Variants in SYN2 observed in about 807,000 individuals in gnomAD.
The protein encoded by SYN2 is synapsin-2.
In SYN2, 19 loss-of-function variants were observed where a neutral mutation model predicts 50.9. That is an observed-to-expected ratio of 0.37 (90% confidence interval 0.26 to 0.55). The LOEUF is 0.55. SYN2 is among the 20% of genes least tolerant of loss of function. The pLI, the probability that SYN2 is intolerant of heterozygous loss-of-function variation, is 0.81. For missense variants in SYN2, 587 were observed against 576.4 expected, an observed-to-expected ratio of 1.02 and a Z score of -0.19; for synonymous variants, 255 against 224.9, an observed-to-expected ratio of 1.13 and a Z score of -1.20.
intron 1 of SYN2, among the ~76,000 whole-genome samples, chr3:12,050,169 G>A (rs1251583806): frequency 6.6e-6 from 1 of 152,074 alleles, no homozygotes; most frequent in Non-Finnish European, 1.5e-5. Context: ...CCAAAGTGCT[G>A]GGATTACAGG....
chr3:12,052,163 G>A (rs1196164286), intron 1 of SYN2, among the ~76,000 whole-genome samples: 1 of 152,122 alleles, frequency 6.6e-6, no homozygotes, highest in Non-Finnish European at 1.5e-5. Flanking sequence ...TACATGCTAG[G>A]CGTTGTGCTA....
intron 1 of SYN2, among the ~76,000 whole-genome samples, chr3:12,063,248 G>T (rs1489241354): frequency 6.6e-6 from 1 of 152,018 alleles, no homozygotes; most frequent in Admixed American, 6.6e-5. Flanking sequence ...TCACTTAGGG[G>T]ATTGGGTGAT....
chr3:12,120,271 G>A (rs1423571467), intron 1 of SYN2, among the ~76,000 whole-genome samples: 1 of 152,110 alleles, frequency 6.6e-6, no homozygotes, highest in Non-Finnish European at 1.5e-5. Flanking sequence ...CCAGGTCAGC[G>A]CTTTTTTAAC....
At chr3:12,022,624 G>A (rs1694166382) in intron 1 of SYN2, among the ~76,000 whole-genome samples, 2 of 151,704 alleles carry the variant, frequency 1.3e-5, no homozygotes, top group Non-Finnish European at 2.9e-5. Context: ...TTACCAAGAT[G>A]GTCTCGATCT....
At chr3:12,038,257 G>A (rs1462781825) in intron 1 of SYN2, among the ~76,000 whole-genome samples, 1 of 152,060 alleles carries the variant, frequency 6.6e-6, no homozygotes, top group Non-Finnish European at 1.5e-5. Context: ...TTCCATTGAT[G>A]CAATAGATTG....
intron 11 of SYN2, chr3:12,185,167 A>T: frequency 1.0e-6 from 1 of 985,896 alleles, no homozygotes; most frequent in Non-Finnish European, 1.2e-6. Context: ...TTGCACTTCC[A>T]GATGGGTTGC....
Position 12,140,657 on chromosome 3 carries a change from G to A in SYN2, c.384G>A (p.Lys128=), listed in dbSNP as rs1281851571. The A allele has an allele frequency of 5.2e-6, 4 of 762,200 alleles. No individual in the cohort carries two copies. The highest frequency in any genetic ancestry group is 1.8e-5 in the Admixed American group (1 of 56,302). 47.2% of individuals were successfully genotyped at this position (762,200 alleles called of 1,614,324 possible). Residue 128 remains lysine (K), a synonymous_variant, in exon 2 of 13, where the codon AAG becomes AAA. Coordinates refer to ENST00000621198, the MANE Select transcript of SYN2 (RefSeq NM_133625.6). ...VVDEPHADWA[K]CFRGKKVLGD... ...GGTTTATTCTTTTCTCCAGGGCCAA[G>A]TGCTTTCGGGGCAAAAAAGTCCTTG... is the stretch of plus-strand genomic sequence containing the variant.
At chr3:12,136,058 A>T (rs1696887367) in intron 1 of SYN2, among the ~76,000 whole-genome samples, 1 of 152,214 alleles carries the variant, frequency 6.6e-6, no homozygotes, top group Non-Finnish European at 1.5e-5. Context: ...GTGTCTGATT[A>T]TTAGACAACC....
chr3:12,149,182 C>G (rs1443129976), intron 4 of SYN2, among the ~76,000 whole-genome samples: 3 of 152,286 alleles, frequency 2.0e-5, no homozygotes, highest in South Asian at 2.1e-4. Flanking sequence ...CTGTGTAACT[C>G]CCCCACATGC....
intron 1 of SYN2, among the ~76,000 whole-genome samples, chr3:12,127,996 A>G (rs1696708512): frequency 6.6e-6 from 1 of 151,332 alleles, no homozygotes; most frequent in East Asian, 1.9e-4. Flanking sequence ...CCCAGGCTGG[A>G]GTGCAGTGGT....
intron 10 of SYN2, among the ~76,000 whole-genome samples, chr3:12,177,862 T>C (rs1480677170): frequency 6.6e-6 from 1 of 152,096 alleles, no homozygotes; most frequent in Non-Finnish European, 1.5e-5. Flanking sequence ...CCCCATGGGA[T>C]ATTTCTTGGG....
chr3:12,006,759 A>G (rs1332416338), intron 1 of SYN2, among the ~76,000 whole-genome samples: 1 of 152,218 alleles, frequency 6.6e-6, no homozygotes, highest in Non-Finnish European at 1.5e-5. Flanking sequence ...CACAAAGTGG[A>G]TACATGAAAC....
At chr3:12,158,647 A>G in intron 5 of SYN2, 1 of 1,601,152 alleles carries the variant, frequency 6.2e-7, no homozygotes, top group East Asian at 2.2e-5. Flanking sequence ...TGCTGGCCAG[A>G]TACTAATCCC....
intron 5 of SYN2, 97 bp downstream of exon 5, chr3:12,151,423 C>A: frequency 1.1e-6 from 1 of 932,496 alleles, no homozygotes; most frequent in Non-Finnish European, 1.7e-6. Flanking sequence ...CTCAGCATCT[C>A]AACCCCAAAG....
rs146014200 is a variant in SYN2 at position 12,172,857 on chromosome 3, G to C, written c.1308+2951G>C. Among the ~76,000 whole-genome samples, 526 of 152,340 alleles carry C rather than the reference G, an allele frequency of 3.5e-3. 3 individuals are homozygous for C. Among genetic ancestry groups the C allele is most frequent in the African/African-American group, 0.012 (493 of 41,572 alleles). On this transcript the variant is annotated intron_variant, in intron 10 of 12. Transcript: ENST00000621198. The stretch of plus-strand genomic sequence containing the variant: ...AAGGCCAGAATTCTCTTAGGGAAAA[G>C]CCAAATTCTTTACTATACACATGAT...
At chr3:12,151,972 G>T (rs1267745827) in intron 5 of SYN2, among the ~76,000 whole-genome samples, 1 of 152,152 alleles carries the variant, frequency 6.6e-6, no homozygotes, top group Non-Finnish European at 1.5e-5. Context: ...TTTTTCCCGT[G>T]CAGGGACCTG....
chr3:12,110,349 G>T (rs1696284845), intron 1 of SYN2, among the ~76,000 whole-genome samples: 1 of 152,158 alleles, frequency 6.6e-6, no homozygotes, highest in African/African-American at 2.4e-5. Context: ...CCTTCTTCCT[G>T]GTTGCTTTCA....
At chr3:12,075,729 T>C (rs1695454997) in intron 1 of SYN2, among the ~76,000 whole-genome samples, 1 of 152,168 alleles carries the variant, frequency 6.6e-6, no homozygotes, top group Admixed American at 6.6e-5. Context: ...GACCAGTGAT[T>C]TAAAGGATGC....
chr3:12,045,745 G>A (rs1351976660), intron 1 of SYN2, among the ~76,000 whole-genome samples: 1 of 152,148 alleles, frequency 6.6e-6, no homozygotes, highest in Non-Finnish European at 1.5e-5. Context: ...TGTGCCCTGT[G>A]GAGTGGGAGT....
Sources: gnomAD v4.1 joint callset for allele counts (sites outside exome capture counted in the v4.1 genomes callset) on GRCh38, gnomAD v4.1.1 for gene constraint, MANE v1.5 for transcripts, NCBI Gene and HGNC (gene_info 2026-07-23, HGNC 2026-07-21) for gene names.